PARG: variants seen among roughly 807,000 people sequenced by gnomAD.
PARG encodes the protein poly(ADP-ribose) glycohydrolase, also known as mitochondrial poly(ADP-ribose) glycohydrolase.
In PARG, 35 loss-of-function variants were observed where a neutral mutation model predicts 113.0. The ratio of observed to expected loss-of-function variants is 0.31; its 90% confidence interval spans 0.24 to 0.41. The LOEUF (loss-of-function observed/expected upper bound fraction) is 0.41, where lower values mean the gene tolerates loss of function less well. Among genes scored for constraint, PARG ranks in the 10% least tolerant of loss-of-function variants. The pLI, the probability that PARG is intolerant of heterozygous loss-of-function variation, is 1.00. For synonymous variants in PARG, 330 were observed against 409.9 expected, an observed-to-expected ratio of 0.81 and a Z score of 2.36; for missense variants, 797 against 1,169.4, an observed-to-expected ratio of 0.68 and a Z score of 4.64.
intron 7 of PARG, among the ~76,000 whole-genome samples, chr10:49,888,302 A>G (rs1847598734): frequency 6.6e-6 from 1 of 151,876 alleles, no homozygotes; most frequent in Admixed American, 6.6e-5. Flanking sequence ...TACATTTACT[A>G]TATTTTTACT....
At chr10:49,935,935 G>T (rs1394304594) in intron 1 of PARG, among the ~76,000 whole-genome samples, 1 of 152,126 alleles carries the variant, frequency 6.6e-6, no homozygotes, top group Non-Finnish European at 1.5e-5. Flanking sequence ...GAGGCTCACA[G>T]TCATGCATGA....
intron 13 of PARG, among the ~76,000 whole-genome samples, chr10:49,852,633 C>T (rs1845807253): frequency 2.0e-5 from 3 of 148,930 alleles, no homozygotes; most frequent in African/African-American, 4.9e-5. Flanking sequence ...GGCACAATCC[C>T]GGCTCACTGT....
At chr10:49,840,046 G>A (rs1264735769) in intron 15 of PARG, among the ~76,000 whole-genome samples, 1 of 152,146 alleles carries the variant, frequency 6.6e-6, no homozygotes. Flanking sequence ...CAAGAGTTTG[G>A]AACAGTGAAA....
intron 7 of PARG, among the ~76,000 whole-genome samples, chr10:49,890,947 A>C (rs1460483908): frequency 1.3e-5 from 2 of 152,260 alleles, no homozygotes; most frequent in African/African-American, 4.8e-5. Context: ...GCAACATGAG[A>C]AGACCAGTGT....
At chr10:49,867,771 C>T (rs1424642113) in intron 10 of PARG, among the ~76,000 whole-genome samples, 5 of 150,830 alleles carry the variant, frequency 3.3e-5, no homozygotes, top group Non-Finnish European at 7.4e-5. Flanking sequence ...AAACTTTAAG[C>T]TTTTTCCTCA....
At chr10:49,923,750 A>C (rs1235773160) in intron 4 of PARG, among the ~76,000 whole-genome samples, 8 of 151,356 alleles carry the variant, frequency 5.3e-5, no homozygotes, top group Admixed American at 6.6e-5. Flanking sequence ...CAGCTCCAGC[A>C]TGTGTACTAG....
At chr10:49,839,320 A>G (rs1428769685) in intron 15 of PARG, among the ~76,000 whole-genome samples, 3 of 151,456 alleles carry the variant, frequency 2.0e-5, no homozygotes, top group Non-Finnish European at 4.4e-5. Context: ...CAGGGCAACG[A>G]GTGAAATTCC....
At chr10:49,852,567 T>TTCC (rs1365964049) in intron 13 of PARG, among the ~76,000 whole-genome samples, 2 of 146,110 alleles carry the variant, frequency 1.4e-5, no homozygotes, top group Non-Finnish European at 3.1e-5. Flanking sequence ...CTTCTTCTTC[T>TTCC]TTTTTTCTTT....
At chr10:49,895,393 A>C (rs1218489991) in intron 7 of PARG, among the ~76,000 whole-genome samples, 1 of 151,440 alleles carries the variant, frequency 6.6e-6, no homozygotes, top group African/African-American at 2.4e-5. Context: ...AACTGCATAC[A>C]GGGAGAACTG....
chr10:49,838,431 C>CAAAAA (rs782657099), intron 15 of PARG, among the ~76,000 whole-genome samples: 2 of 40,292 alleles, frequency 5.0e-5, no homozygotes, highest in Non-Finnish European at 8.3e-5. Context: ...AACTCCGTCT[C>CAAAAA]AAAAAAAAAA....
chr10:49,821,235 C>T (rs1468853316), intron 16 of PARG, among the ~76,000 whole-genome samples: 3 of 152,012 alleles, frequency 2.0e-5, no homozygotes, highest in Non-Finnish European at 2.9e-5. Flanking sequence ...AGTATGTTTC[C>T]GAAAATTTAG....
intron 12 of PARG, among the ~76,000 whole-genome samples, chr10:49,859,688 T>C (rs1175706197): frequency 6.6e-6 from 1 of 152,176 alleles, no homozygotes. Flanking sequence ...ATAATGATGA[T>C]GAAATACATT....
chr10:49,835,739 A>ACG (rs1265445818), intron 15 of PARG, among the ~76,000 whole-genome samples: 1 of 152,132 alleles, frequency 6.6e-6, no homozygotes, highest in Non-Finnish European at 1.5e-5. Context: ...GCACAAACTG[A>ACG]TGTATAAGAT....
intron 4 of PARG, among the ~76,000 whole-genome samples, chr10:49,926,562 A>G (rs1344643492): frequency 2.0e-5 from 3 of 152,146 alleles, no homozygotes; most frequent in African/African-American, 7.2e-5. Context: ...CTGAACTCTG[A>G]CTGACGTTCT....
intron 13 of PARG, among the ~76,000 whole-genome samples, 171 bp downstream of exon 13, chr10:49,857,135 T>C (rs1554835186): frequency 1.3e-5 from 2 of 151,582 alleles, no homozygotes; most frequent in Non-Finnish European, 2.9e-5. Context: ...TACTTAAGAT[T>C]AGGAAAATAA....
intron 13 of PARG, 59 bp downstream of exon 13, chr10:49,857,247 A>G: frequency 1.5e-6 from 1 of 674,428 alleles, no homozygotes; most frequent in Non-Finnish European, 2.7e-6. Context: ...TCTAGTCTTC[A>G]TGACAGATAT....
chr10:49,941,926 G>A lies in PARG; in HGVS notation c.-201C>T, dbSNP rs1449764646. 3.4e-5 allele frequency: 35 copies of A among 1,036,060 alleles called. No homozygotes were observed. In the African/African-American group the frequency reaches 4.7e-4, roughly 14 times the overall value. 64.2% of individuals were successfully genotyped at this position (1,036,060 alleles called of 1,614,324 possible). ...CTCGCCTGCCTTCCCTCTTCCACTG[G>A]CACCCCACCTGCCTCAATGCGCCGC... On this transcript the variant is annotated 5_prime_UTR_variant, in exon 1 of 18. Transcript: ENST00000616448.
intron 12 of PARG, among the ~76,000 whole-genome samples, chr10:49,857,786 G>T (rs1253905015): frequency 6.8e-6 from 1 of 147,876 alleles, no homozygotes; most frequent in African/African-American, 2.5e-5. Context: ...TATCTGGGAA[G>T]GTTTCAAAGT....
At chr10:49,883,155 C>T (rs1432998169) in intron 8 of PARG, among the ~76,000 whole-genome samples, 2 of 152,208 alleles carry the variant, frequency 1.3e-5, no homozygotes, top group Non-Finnish European at 2.9e-5. Flanking sequence ...TGGGTCTCAA[C>T]TGAAGGTGGC....
Sources: gnomAD v4.1 joint callset for allele counts (sites outside exome capture counted in the v4.1 genomes callset) on GRCh38, gnomAD v4.1.1 for gene constraint, MANE v1.5 for transcripts, NCBI Gene and HGNC (gene_info 2026-07-23, HGNC 2026-07-21) for gene names.